UBAP2L: variants seen among roughly 807,000 people sequenced by gnomAD.
The protein encoded by UBAP2L is ubiquitin associated protein 2 like.
In UBAP2L, 12 loss-of-function variants were observed where a neutral mutation model predicts 130.6. The ratio of observed to expected loss-of-function variants is 0.09; its 90% CI spans 0.06 to 0.15. The LOEUF (loss-of-function observed/expected upper bound fraction) is 0.15, where lower values mean the gene tolerates loss of function less well. UBAP2L is among the 10% of genes least tolerant of loss of function. The probability of loss-of-function intolerance (pLI) is 1.00; values close to 1 mark genes in which losing one functional copy is unlikely to be tolerated. For missense variants in UBAP2L, 965 were observed against 1,332.5 expected (o/e 0.72, Z 4.29); for synonymous variants, 503 against 524.7 (o/e 0.96, Z 0.57).
intron 4 of UBAP2L, among the ~76,000 whole-genome samples, chr1:154,234,168 G>A (rs1015850825): frequency 3.3e-5 from 5 of 152,192 alleles, no homozygotes; most frequent in South Asian, 4.1e-4. Flanking sequence ...TGAGAGACCA[G>A]CCTGGCCAAC....
intron 11 of UBAP2L, 46 bp downstream of exon 11, chr1:154,246,421 C>T: frequency 6.3e-7 from 1 of 1,576,064 alleles, no homozygotes; most frequent in African/African-American, 1.3e-5. Context: ...TCCTGCTAAT[C>T]CTAGCACACA....
intron 8 of UBAP2L, among the ~76,000 whole-genome samples, chr1:154,239,693 A>C (rs1349301461): frequency 6.6e-6 from 1 of 152,214 alleles, no homozygotes; most frequent in Non-Finnish European, 1.5e-5. Flanking sequence ...AGTGTGCAGA[A>C]AAAAATTCTT....
intron 7 of UBAP2L, 126 bp from the exon 8 acceptor site, chr1:154,236,898 A>G: frequency 1.4e-6 from 1 of 738,602 alleles, no homozygotes. Context: ...GATGACACAC[A>G]GGATTATAGA....
intron 1 of UBAP2L, among the ~76,000 whole-genome samples, chr1:154,222,954 C>G (rs970327167): frequency 1.3e-5 from 2 of 152,162 alleles, no homozygotes; most frequent in Non-Finnish European, 2.9e-5. Context: ...ACCCTACTTC[C>G]TTTAAATCTT....
intron 25 of UBAP2L, 75 bp from the exon 26 acceptor site, chr1:154,268,682 G>A (rs1397754091): frequency 2.7e-6 from 4 of 1,471,268 alleles, no homozygotes; most frequent in Non-Finnish European, 3.8e-6. Context: ...GGGTCAGGGA[G>A]CTTGAGCTCA....
At chr1:154,245,017 C>G (rs1265091752) in intron 10 of UBAP2L, among the ~76,000 whole-genome samples, 1 of 151,962 alleles carries the variant, frequency 6.6e-6, no homozygotes, top group Non-Finnish European at 1.5e-5. Context: ...CTGCAACCTC[C>G]GCCTCCCAGG....
At chr1:154,228,979 T>G (rs1668894246) in intron 4 of UBAP2L, among the ~76,000 whole-genome samples, 1 of 152,148 alleles carries the variant, frequency 6.6e-6, no homozygotes, top group South Asian at 2.1e-4. Context: ...TGGAATAAAT[T>G]ATTTATTCCA....
chr1:154,227,945 G>T (rs1239852671), intron 3 of UBAP2L, among the ~76,000 whole-genome samples: 1 of 152,152 alleles, frequency 6.6e-6, no homozygotes, highest in African/African-American at 2.4e-5. Flanking sequence ...CTGAGCAGTT[G>T]TGGGTATAGG....
chr1:154,246,508 G>A lies in UBAP2L; in HGVS notation c.1014+133G>A, dbSNP rs1205469666. 9.7e-6 allele frequency: 10 copies of A among 1,035,508 alleles called. No individual in the cohort carries two copies. In the Admixed American group the frequency reaches 2.0e-4, roughly 20 times the overall value. The allele number at this position is 1,035,508 out of a possible 1,614,324, so 64.1% of individuals were successfully genotyped here. A position where few individuals can be genotyped will look rare whatever the true frequency, so the allele number is the denominator to read the frequency against. Reference sequence around the variant, plus strand: ...TTTGTCTTCTTAAGCAGACTTGGTTGTAGAAATGTTTGAGTTGGGTAATAG... The same window carrying A: ...TTTGTCTTCTTAAGCAGACTTGGTTATAGAAATGTTTGAGTTGGGTAATAG... On this transcript the variant is annotated intron_variant, in intron 11 of 26. Transcript: ENST00000428931.
intron 7 of UBAP2L, among the ~76,000 whole-genome samples, 163 bp from the exon 8 acceptor site, chr1:154,236,861 G>C (rs749863114): frequency 2.6e-5 from 4 of 152,162 alleles, no homozygotes; most frequent in East Asian, 1.9e-4. Flanking sequence ...ATGAAATTTT[G>C]GGTAGAGTGA....
chr1:154,224,327 T>C (rs1462645333), intron 1 of UBAP2L, among the ~76,000 whole-genome samples: 2 of 152,156 alleles, frequency 1.3e-5, no homozygotes, highest in Non-Finnish European at 2.9e-5. Context: ...TGGTGGAGGG[T>C]AATTGCCATT....
At chr1:154,236,930 A>T (rs1671878025) in intron 7 of UBAP2L, 94 bp from the exon 8 acceptor site, 1 of 937,386 alleles carries the variant, frequency 1.1e-6, no homozygotes. Flanking sequence ...ACAGATTTGT[A>T]CTAGGAAGGA....
chr1:154,270,770 GTTTTTTT>G lies in UBAP2L; in HGVS notation c.*485_*491del, dbSNP rs370017648. The G allele has an allele frequency of 5.4e-6, 5 of 923,008 alleles. No homozygotes were observed. In the African/African-American group the frequency reaches 1.2e-4, roughly 22 times the overall value. 57.2% of individuals were successfully genotyped at this position (923,008 alleles called of 1,614,324 possible). A position where few individuals can be genotyped will look rare whatever the true frequency, so the allele number is the denominator to read the frequency against. ...AATTAGTTGAAGTGGTTTTTTTTTT[GTTTTTTT>G]TTTTTTTTTGTACTGTGTCCTCAAA... On this transcript the variant is annotated 3_prime_UTR_variant, in exon 27 of 27. Transcript: ENST00000428931.
At chr1:154,228,274 G>A (rs1469342821) in intron 3 of UBAP2L, among the ~76,000 whole-genome samples, 10 of 151,464 alleles carry the variant, frequency 6.6e-5, no homozygotes, top group African/African-American at 9.7e-5. Context: ...TGCAACCTCC[G>A]CCTCCTGGGT....
chr1:154,238,818 A>G (rs1199296452), intron 8 of UBAP2L, among the ~76,000 whole-genome samples: 1 of 151,590 alleles, frequency 6.6e-6, no homozygotes, highest in East Asian at 1.9e-4. Context: ...TTGGCTCACT[A>G]CAGCCTCTGC....
intron 24 of UBAP2L, chr1:154,263,207 G>A (rs572239784): frequency 1.9e-6 from 3 of 1,549,126 alleles, no homozygotes; most frequent in African/African-American, 2.7e-5. Context: ...TTGCACTGAA[G>A]TCTTGTTTCA....
In UBAP2L at chr1:154,270,333, G is replaced by C. The variant is rs1217233199; in HGVS notation, c.*38G>C. On this transcript the variant is annotated 3_prime_UTR_variant, in exon 27 of 27. Coordinates refer to ENST00000428931, the MANE Select transcript of UBAP2L (RefSeq NM_014847.4). ...CTTCTCCCGGTCCCATCTTCTGAGA[G>C]GGCTTCTCAGCCTGGAAACTATGGA... The C allele has an allele frequency of 1.9e-6, 3 of 1,613,292 alleles. No individual in the cohort carries two copies. The South Asian group carries it at 3.3e-5, about 18-fold the overall frequency.
rs1442973932 is a variant in UBAP2L at position 154,254,031 on chromosome 1, C to T, written c.1796C>T (p.Thr599Ile). The T allele has an allele frequency of 1.2e-6, 2 of 1,610,118 alleles. No individual in the cohort carries two copies. The highest frequency in any genetic ancestry group is 2.2e-5 in the East Asian group (1 of 44,670). The change falls in exon 15 of 27, where the codon ACT (threonine) becomes ATT (isoleucine). Residue 599 changes from threonine to isoleucine, a missense_variant. By Grantham distance (89) the Thr-to-Ile change is moderately conservative (BLOSUM62 -1). This residue lies in a region of UBAP2L where 393 missense variants were observed against 408.1 expected (regional missense o/e 0.96). Coordinates refer to ENST00000428931, the MANE Select transcript of UBAP2L (RefSeq NM_014847.4). ...CTTTATGAACAGAGATCCACACAGA[C>T]TCGGCGGTACCCCAGCTCCATCTCT... is the stretch of plus-strand genomic sequence containing the variant. ...GPLYEQRSTQ[T>I]RRYPSSISSS...
At chr1:154,241,642 T>A in intron 9 of UBAP2L, 77 bp downstream of exon 9, 11 of 1,589,356 alleles carry the variant, frequency 6.9e-6, no homozygotes, top group Non-Finnish European at 9.4e-6. Flanking sequence ...TGGGTATGTT[T>A]CTACCCCTCA....
Sources: gnomAD v4.1 joint callset for allele counts (sites outside exome capture counted in the v4.1 genomes callset) on GRCh38, gnomAD v4.1.1 for gene constraint, gnomAD v4.1.1 regional missense constraint, MANE v1.5 for transcripts, NCBI Gene and HGNC (gene_info 2026-07-23, HGNC 2026-07-21) for gene names.